Variants in SIL1 observed in about 807,000 individuals in gnomAD.
The protein encoded by SIL1 is SIL1 nucleotide exchange factor, also known as nucleotide exchange factor SIL1.
SIL1 carries 40 observed loss-of-function variants against 49.1 expected under a neutral mutation model. That is an observed-to-expected ratio of 0.81 (90% confidence interval 0.63 to 1.06). The LOEUF (loss-of-function observed/expected upper bound fraction) is 1.06. SIL1 is among the 50% of genes least tolerant of loss of function. SIL1 has a pLI of 0.00. For missense variants in SIL1, 500 were observed against 572.6 expected, an observed-to-expected ratio of 0.87 and a Z score of 1.29; for synonymous variants, 253 against 250.8, an observed-to-expected ratio of 1.01 and a Z score of -0.08.
intron 7 of SIL1, among the ~76,000 whole-genome samples, chr5:138,965,649 G>T (rs1561807821): frequency 7.3e-6 from 1 of 137,316 alleles, no homozygotes. Context: ...GAGCTGAGGG[G>T]CAGGAGATCC....
intron 1 of SIL1, among the ~76,000 whole-genome samples, chr5:139,133,168 C>T (rs1304950874): frequency 6.6e-6 from 1 of 152,162 alleles, no homozygotes; most frequent in Non-Finnish European, 1.5e-5. Context: ...TCACTCTGTC[C>T]AGGAAAGGGG....
At chr5:139,088,094 G>A (rs573199527) in intron 3 of SIL1, among the ~76,000 whole-genome samples, 12 of 152,180 alleles carry the variant, frequency 7.9e-5, no homozygotes, top group South Asian at 2.1e-4. Flanking sequence ...CATTAGGCCC[G>A]TGGAGCTGCT....
At chr5:139,046,438 A>G (rs1769166444) in intron 4 of SIL1, among the ~76,000 whole-genome samples, 1 of 151,846 alleles carries the variant, frequency 6.6e-6, no homozygotes, top group African/African-American at 2.4e-5. Flanking sequence ...TACCTCTCCA[A>G]TCTCATCTCC....
chr5:139,183,700 G>C (rs1036083438), intron 1 of SIL1, among the ~76,000 whole-genome samples: 1 of 152,196 alleles, frequency 6.6e-6, no homozygotes, highest in Non-Finnish European at 1.5e-5. Flanking sequence ...ACAGCTGCTG[G>C]GAAGACCTGT....
At chr5:139,112,706 C>G (rs1446309841) in intron 3 of SIL1, among the ~76,000 whole-genome samples, 2 of 149,834 alleles carry the variant, frequency 1.3e-5, no homozygotes, top group Non-Finnish European at 3.0e-5. Context: ...CGGCCGCCGC[C>G]CCGTGCGGGA....
intron 2 of SIL1, among the ~76,000 whole-genome samples, chr5:139,121,858 G>C (rs1750647132): frequency 1.3e-5 from 2 of 152,196 alleles, no homozygotes; most frequent in Admixed American, 6.5e-5. Context: ...GGATTAATGA[G>C]ATGGTGTCTC....
chr5:138,999,182 T>C (rs1561821340), intron 7 of SIL1, among the ~76,000 whole-genome samples: 1 of 152,152 alleles, frequency 6.6e-6, no homozygotes, highest in Non-Finnish European at 1.5e-5. Flanking sequence ...ACATGAGATT[T>C]GGAGGGGACA....
chr5:139,039,482 T>G (rs1426872229), intron 5 of SIL1, among the ~76,000 whole-genome samples: 1 of 152,210 alleles, frequency 6.6e-6, no homozygotes, highest in East Asian at 1.9e-4. Flanking sequence ...AGGCTTTTCT[T>G]ATAACTTTTT....
At chr5:139,175,318 T>A (rs963300101) in intron 1 of SIL1, among the ~76,000 whole-genome samples, 2 of 151,912 alleles carry the variant, frequency 1.3e-5, no homozygotes, top group African/African-American at 4.8e-5. Flanking sequence ...CGAAGCTCCA[T>A]CTCAAAACAA....
intron 5 of SIL1, chr5:139,035,299 T>C (rs1581047071): frequency 1.9e-6 from 1 of 524,454 alleles, no homozygotes. Flanking sequence ...TGGTGCCGCA[T>C]CTGTCAAGTA....
chr5:139,077,950 T>C (rs1417036976), intron 3 of SIL1, among the ~76,000 whole-genome samples: 1 of 152,048 alleles, frequency 6.6e-6, no homozygotes, highest in Non-Finnish European at 1.5e-5. Flanking sequence ...TCTATCACAC[T>C]CCAGACAAAC....
intron 3 of SIL1, among the ~76,000 whole-genome samples, chr5:139,056,021 C>A (rs1769410926): frequency 6.6e-6 from 1 of 151,820 alleles, no homozygotes; most frequent in Non-Finnish European, 1.5e-5. Flanking sequence ...CGGCTCGCTA[C>A]AACCTCCACC....
chr5:138,975,724 C>T (rs1580998633), intron 7 of SIL1, among the ~76,000 whole-genome samples: 1 of 152,294 alleles, frequency 6.6e-6, no homozygotes, highest in Admixed American at 6.5e-5. Flanking sequence ...CTATGTTGTT[C>T]ACTCTGGGGG....
chr5:138,959,315 A>C (rs753626762), intron 7 of SIL1, among the ~76,000 whole-genome samples: 2 of 152,244 alleles, frequency 1.3e-5, no homozygotes, highest in Non-Finnish European at 2.9e-5. Flanking sequence ...TGGGATAACT[A>C]GAGTCAATGC....
chr5:139,083,454 GT>G (rs1348620507), intron 3 of SIL1, among the ~76,000 whole-genome samples: 1 of 136,682 alleles, frequency 7.3e-6, no homozygotes, highest in Non-Finnish European at 1.5e-5. Flanking sequence ...TTCTTCATGT[GT>G]TTTTTGGCTG....
chr5:138,960,410 C>T (rs1378913282), intron 7 of SIL1, among the ~76,000 whole-genome samples: 1 of 146,912 alleles, frequency 6.8e-6, no homozygotes, highest in Admixed American at 6.7e-5. Flanking sequence ...TACAAATCTA[C>T]GTCTTTTTTT....
intron 2 of SIL1, among the ~76,000 whole-genome samples, chr5:139,121,783 G>A (rs890607774): frequency 1.3e-5 from 2 of 152,168 alleles, no homozygotes; most frequent in African/African-American, 4.8e-5. Context: ...GCTGAGGGAG[G>A]AAGATGCTCA....
At chr5:139,109,810 C>T (rs1471425577) in intron 3 of SIL1, among the ~76,000 whole-genome samples, 1 of 147,582 alleles carries the variant, frequency 6.8e-6, no homozygotes, top group African/African-American at 2.5e-5. Context: ...AAACCCCTTC[C>T]ATTCTAGGAT....
At chr5:139,062,904 C>A (rs1769625869) in intron 3 of SIL1, among the ~76,000 whole-genome samples, 1 of 152,176 alleles carries the variant, frequency 6.6e-6, no homozygotes, top group Non-Finnish European at 1.5e-5. Context: ...GTGTTGGGCA[C>A]TGGGAAGTAT....
Sources: gnomAD v4.1 joint callset for allele counts (sites outside exome capture counted in the v4.1 genomes callset) on GRCh38, gnomAD v4.1.1 for gene constraint, MANE v1.5 for transcripts, NCBI Gene and HGNC (gene_info 2026-07-23, HGNC 2026-07-21) for gene names.